TP63: variants seen among roughly 807,000 people sequenced by gnomAD.
TP63 encodes the protein tumor protein 63.
In TP63, 17 loss-of-function variants were observed where a neutral mutation model predicts 82.8. The observed-to-expected ratio is 0.21, with a 90% CI of 0.14 to 0.31. TP63 has a LOEUF of 0.31. TP63 is among the 10% of genes least tolerant of loss of function. The probability of loss-of-function intolerance (pLI) is 1.00; values close to 1 mark genes in which losing one functional copy is unlikely to be tolerated. For synonymous variants in TP63, 330 were observed against 321.7 expected, an observed-to-expected ratio of 1.03 and a Z score of -0.28; for missense variants, 648 against 895.3, an observed-to-expected ratio of 0.72 and a Z score of 3.52.
intron 3 of TP63, among the ~76,000 whole-genome samples, chr3:189,778,697 G>A (rs181253958): frequency 1.3e-5 from 2 of 152,290 alleles, no homozygotes; most frequent in African/African-American, 2.4e-5. Flanking sequence ...CTTTTAAAGA[G>A]ATGCTTAGAC....
chr3:189,712,456 A>T (rs55876846), intron 1 of TP63, among the ~76,000 whole-genome samples: 36,854 of 152,090 alleles, frequency 0.24, 5,261 homozygotes, highest in Middle Eastern at 0.35. Flanking sequence ...GTCTTAGATC[A>T]AGGCACTGGT....
At chr3:189,793,388 AT>A (rs1275953104) in intron 3 of TP63, among the ~76,000 whole-genome samples, 2 of 152,116 alleles carry the variant, frequency 1.3e-5, no homozygotes, top group Non-Finnish European at 1.5e-5. Flanking sequence ...AACCAAAAAA[AT>A]ATTGGTTTCT....
At chr3:189,613,002 A>G in the TP63 span, among the ~76,000 whole-genome samples, 3 of 152,352 alleles carry the variant, frequency 2.0e-5, no homozygotes, top group East Asian at 1.9e-4. Context: ...AGTGGAGCAT[A>G]CAACTTTGGA....
At chr3:189,875,000 T>C (rs1160083021) in intron 10 of TP63, among the ~76,000 whole-genome samples, 1 of 144,158 alleles carries the variant, frequency 6.9e-6, no homozygotes, top group African/African-American at 2.5e-5. Context: ...TTTTTTTTTT[T>C]CAGTTAATAA....
chr3:189,630,980 T>C (rs1285653255), upstream of TP63, among the ~76,000 whole-genome samples: 1 of 152,100 alleles, frequency 6.6e-6, no homozygotes, highest in African/African-American at 2.4e-5. Flanking sequence ...CTACAAAACA[T>C]TTTAGCCCCA....
At position 189,894,467 on chromosome 3, in the gene TP63, A is replaced by C. The variant is rs754740287; in HGVS notation, c.2008A>C (p.Asn670His). 1.2e-6 allele frequency: 2 copies of C among 1,613,840 alleles called. No homozygotes were observed. Among genetic ancestry groups the C allele is most frequent in the Admixed American group, 3.3e-5 (2 of 59,996 alleles). Residue 670 changes from asparagine to histidine, a missense_variant, in exon 14 of 14, where the codon AAT becomes CAT. Transcript: ENST00000264731. ...CAACTTTGACATGGATGCTCGCCGC[A>C]ATAAGCAACAGCGCATCAAAGAGGA... ...DFNFDMDARRNKQQRIKEEGE is the reference protein window; with the variant it reads ...DFNFDMDARRHKQQRIKEEGE
chr3:189,797,411 C>T (rs748743993), intron 3 of TP63, among the ~76,000 whole-genome samples: 5 of 152,022 alleles, frequency 3.3e-5, no homozygotes, highest in Non-Finnish European at 5.9e-5. Flanking sequence ...TTTAAGCTTG[C>T]GCAAAACACC....
intron 1 of TP63, among the ~76,000 whole-genome samples, chr3:189,708,564 C>T (rs79438791): frequency 0.015 from 2,294 of 152,164 alleles, 53 homozygotes; most frequent in African/African-American, 0.053. Context: ...GCTTGTGGTA[C>T]CTGACATAAA....
intron 3 of TP63, among the ~76,000 whole-genome samples, chr3:189,791,771 T>A (rs1405499731): frequency 1.3e-5 from 2 of 152,168 alleles, no homozygotes; most frequent in African/African-American, 4.8e-5. Context: ...TGTACAGGAT[T>A]ATGCTTTCAT....
chr3:189,785,439 T>C (rs1231428176), intron 3 of TP63, among the ~76,000 whole-genome samples: 1 of 152,090 alleles, frequency 6.6e-6, no homozygotes, highest in African/African-American at 2.4e-5. Context: ...TATACAACTT[T>C]TTGCATTGAA....
intron 10 of TP63, chr3:189,880,140 A>G: frequency 6.2e-7 from 1 of 1,613,920 alleles, no homozygotes. Flanking sequence ...CGTCTTCTTT[A>G]GACATTCCAA....
Position 189,895,244 on chromosome 3 carries a change from G to A in TP63, c.*742G>A, listed in dbSNP as rs777603226. The A allele has an allele frequency of 4.5e-6, 1 of 221,858 alleles. No homozygotes were observed. The highest frequency in any genetic ancestry group is 9.0e-6 in the Non-Finnish European group (1 of 111,014). The allele number at this position is 221,858 out of a possible 1,614,324, so 13.7% of individuals were successfully genotyped here. ...GGGTGATTTAATCCAGTTATAAGAA[G>A]AAGTTCATGTCCAAACGTCCTCTTT... On this transcript the variant is annotated 3_prime_UTR_variant, in exon 14 of 14. Coordinates refer to ENST00000264731, the MANE Select transcript of TP63 (RefSeq NM_003722.5).
At chr3:189,731,985 TGAAAA>T (rs1350837056) in intron 1 of TP63, among the ~76,000 whole-genome samples, 5 of 152,250 alleles carry the variant, frequency 3.3e-5, no homozygotes, top group African/African-American at 1.2e-4. Flanking sequence ...ATACTGAGCA[TGAAAA>T]GAAAAGGCCA....
At chr3:189,744,717 T>C in intron 3 of TP63, among the ~76,000 whole-genome samples, 1 of 152,190 alleles carries the variant, frequency 6.6e-6, no homozygotes, top group East Asian at 1.9e-4. Flanking sequence ...ACCCATGACA[T>C]GCCAGCTGCC....
At position 189,718,440 on chromosome 3, in the gene TP63, G is replaced by A. The variant is rs56157362; in HGVS notation, c.63-19300G>A. ...GAAGGCGTGTTTTGCAGGGTGGCAC[G>A]ATGGGGGAACTACCAAACACTTTTA... is the stretch of plus-strand genomic sequence containing the variant. On this transcript the variant is annotated intron_variant, in intron 1 of 13. Coordinates refer to ENST00000264731, the MANE Select transcript of TP63 (RefSeq NM_003722.5). Among the ~76,000 whole-genome samples, 1,497 of 150,234 alleles carry A rather than the reference G, an allele frequency of 1.0e-2. 23 individuals are homozygous for A. Among genetic ancestry groups the A allele is most frequent in the East Asian group, 0.059 (301 of 5,100 alleles).
At chr3:189,807,010 A>G (rs1726987208) in intron 3 of TP63, among the ~76,000 whole-genome samples, 1 of 152,216 alleles carries the variant, frequency 6.6e-6, no homozygotes, top group Admixed American at 6.5e-5. Flanking sequence ...TTACATTTCA[A>G]CTGAAGAGCT....
intron 10 of TP63, among the ~76,000 whole-genome samples, chr3:189,883,931 C>A (rs1428744782): frequency 3.0e-5 from 4 of 135,066 alleles, no homozygotes; most frequent in Admixed American, 1.5e-4. Context: ...TTACTCTGAG[C>A]GTCCAGAAAA....
the TP63 span, among the ~76,000 whole-genome samples, chr3:189,622,107 G>A: frequency 3.3e-5 from 5 of 152,152 alleles, no homozygotes; most frequent in Admixed American, 6.6e-5. Context: ...ATGCTTAAAC[G>A]GTGCGCACGC....
intron 1 of TP63, among the ~76,000 whole-genome samples, chr3:189,715,025 A>G (rs149052774): frequency 2.0e-5 from 3 of 152,228 alleles, no homozygotes; most frequent in Admixed American, 6.5e-5. Context: ...ACTTGGTTCT[A>G]ACTAGTGCAA....
Sources: gnomAD v4.1 joint callset for allele counts (sites outside exome capture counted in the v4.1 genomes callset) on GRCh38, gnomAD v4.1.1 for gene constraint, MANE v1.5 for transcripts, NCBI Gene and HGNC (gene_info 2026-07-23, HGNC 2026-07-21) for gene names.